Variants in WDPCP observed in about 807,000 individuals in gnomAD.
The protein encoded by WDPCP is WD repeat-containing and planar cell polarity effector protein fritz homolog.
In WDPCP, 71 loss-of-function variants were observed where a neutral mutation model predicts 93.1. The observed-to-expected ratio is 0.76, with a 90% CI of 0.63 to 0.93. The LOEUF is 0.93. Among genes scored for constraint, WDPCP ranks in the 40% least tolerant of loss-of-function variants. The probability of loss-of-function intolerance (pLI) is 0.00; values close to 1 mark genes in which losing one functional copy is unlikely to be tolerated. For missense variants in WDPCP, 844 were observed against 887.4 expected (o/e 0.95, Z 0.62); for synonymous variants, 315 against 315.0 (o/e 1.00, Z 0.00).
the WDPCP span, among the ~76,000 whole-genome samples, chr2:63,834,120 T>C: frequency 6.6e-6 from 1 of 152,200 alleles, no homozygotes. Context: ...TCTTTCATTA[T>C]CCTATTACTC....
intron 12 of WDPCP, among the ~76,000 whole-genome samples, chr2:63,332,689 T>G (rs1441502003): frequency 3.9e-5 from 6 of 152,204 alleles, no homozygotes; most frequent in Non-Finnish European, 8.8e-5. Context: ...GTTTGTGGCT[T>G]CCATTTTCAT....
chr2:63,445,478 C>T (rs189687119), intron 6 of WDPCP, among the ~76,000 whole-genome samples: 2 of 152,262 alleles, frequency 1.3e-5, no homozygotes, highest in African/African-American at 4.8e-5. Context: ...ATATTTCAAT[C>T]CCTAATGTAA....
chr2:63,283,192 A>G (rs1360679013), intron 13 of WDPCP, among the ~76,000 whole-genome samples: 1 of 152,192 alleles, frequency 6.6e-6, no homozygotes, highest in African/African-American at 2.4e-5. Flanking sequence ...TGCATTTACA[A>G]AGAAAAGAAC....
At chr2:63,308,512 G>A (rs1685925539) in intron 13 of WDPCP, among the ~76,000 whole-genome samples, 2 of 152,226 alleles carry the variant, frequency 1.3e-5, no homozygotes, top group Non-Finnish European at 2.9e-5. Flanking sequence ...ATCAGTGATA[G>A]ACTGGATAAA....
intron 12 of WDPCP, among the ~76,000 whole-genome samples, chr2:63,331,637 C>A (rs1366055719): frequency 2.0e-5 from 3 of 152,128 alleles, no homozygotes; most frequent in African/African-American, 7.2e-5. Context: ...TAGATCATCT[C>A]AAAAAAGTTT....
chr2:63,459,374 TA>T (rs1054856387), intron 6 of WDPCP, among the ~76,000 whole-genome samples: 5 of 147,906 alleles, frequency 3.4e-5, no homozygotes, highest in Admixed American at 6.8e-5. Flanking sequence ...TCTCAACAGT[TA>T]AAAAAAAAAC....
At chr2:63,278,632 C>T (rs1683265011) in intron 13 of WDPCP, among the ~76,000 whole-genome samples, 1 of 152,042 alleles carries the variant, frequency 6.6e-6, no homozygotes, top group South Asian at 2.1e-4. Flanking sequence ...TTGAGACCAT[C>T]CTGGCAAACA....
chr2:63,741,005 TG>T (rs1158832561), intron 2 of WDPCP, among the ~76,000 whole-genome samples: 1 of 152,182 alleles, frequency 6.6e-6, no homozygotes, highest in Non-Finnish European at 1.5e-5. Context: ...TAACCAATTT[TG>T]GTATTAATCA....
intron 2 of WDPCP, among the ~76,000 whole-genome samples, chr2:63,697,664 T>G (rs2103692395): frequency 6.6e-6 from 1 of 152,330 alleles, no homozygotes; most frequent in South Asian, 2.1e-4. Flanking sequence ...ATTTCTTCTT[T>G]TGAAACAGAG....
chr2:63,177,164 T>C (rs879705472), intron 14 of WDPCP, among the ~76,000 whole-genome samples: 99 of 152,226 alleles, frequency 6.5e-4, no homozygotes, highest in Non-Finnish European at 4.0e-4. Context: ...ACTGTAGCCT[T>C]GTAATATGTT....
intron 6 of WDPCP, among the ~76,000 whole-genome samples, chr2:63,447,587 T>TA (rs1321454399): frequency 6.6e-6 from 1 of 152,140 alleles, no homozygotes; most frequent in Non-Finnish European, 1.5e-5. Flanking sequence ...TTTAACTTAT[T>TA]AAAAAATTTT....
Position 63,588,433 on chromosome 2 carries a change from C to G in WDPCP, c.-162G>C. On this transcript the variant is annotated 5_prime_UTR_variant, in exon 1 of 18. Coordinates refer to ENST00000272321, the MANE Select transcript of WDPCP (RefSeq NM_015910.7). Reference sequence around the variant, plus strand: ...CCAGGGTGTGCGTGCGCTCCCGCCTCGTCGCTTAGCAACCTGAGAAGCTGT... The same window carrying G: ...CCAGGGTGTGCGTGCGCTCCCGCCTGGTCGCTTAGCAACCTGAGAAGCTGT... 1.3e-6 allele frequency: 1 copy of G among 780,258 alleles called. No individual in the cohort carries two copies. Among genetic ancestry groups the G allele is most frequent in the South Asian group, 1.5e-5 (1 of 67,846 alleles). The allele number at this position is 780,258 out of a possible 1,614,324, so 48.3% of individuals were successfully genotyped here. A position where few individuals can be genotyped will look rare whatever the true frequency, so the allele number is the denominator to read the frequency against.
Position 63,657,142 on chromosome 2 carries a change from A to G in WDPCP, n.309-6304T>C, listed in dbSNP as rs151200708. On this transcript the variant is annotated intron_variant and non_coding_transcript_variant, in intron 2 of 4. Transcript: ENST00000467687. ...AAGCCATGGTAAGGGCTACTTTATT[A>G]TAATTATGGCTGTGAATTATTGGGG... Among the ~76,000 whole-genome samples the G allele has an allele frequency of 1.8e-3, 270 of 151,364 alleles. 5 individuals carry two copies. In the East Asian group the frequency reaches 0.048, roughly 27 times the overall value.
In WDPCP at chr2:63,492,040, C is replaced by T. The variant is rs562934802; in HGVS notation, c.160+816G>A. On this transcript the variant is annotated intron_variant, in intron 2 of 17. Coordinates refer to ENST00000272321, the MANE Select transcript of WDPCP (RefSeq NM_015910.7). ...CAAACAAATGTTAAATCTACTTTAA[C>T]TGAAATTTCAATCTTTATACATTTT... 4.0e-5 allele frequency among the ~76,000 whole-genome samples: 6 copies of T among 149,090 alleles called. No homozygotes were observed. In the South Asian group the frequency reaches 1.3e-3, roughly 32 times the overall value.
At chr2:63,441,568 A>G (rs1697507275) in intron 6 of WDPCP, 1 of 152,078 alleles carries the variant, frequency 6.6e-6, no homozygotes, top group Non-Finnish European at 1.5e-5. Context: ...GGAATACAGT[A>G]GGTGCTCAAC....
chr2:63,448,437 AACACAC>A (rs35247066), intron 6 of WDPCP, among the ~76,000 whole-genome samples: 95 of 148,250 alleles, frequency 6.4e-4, no homozygotes, highest in Middle Eastern at 7.0e-3. Flanking sequence ...AAAATACATC[AACACAC>A]ACACACACAC....
At chr2:63,718,908 A>C (rs759642248) in intron 2 of WDPCP, among the ~76,000 whole-genome samples, 11 of 152,240 alleles carry the variant, frequency 7.2e-5, no homozygotes, top group Non-Finnish European at 1.5e-4. Context: ...AAAACAATTA[A>C]TATATAAAAG....
intron 12 of WDPCP, among the ~76,000 whole-genome samples, chr2:63,350,627 C>A (rs1206254368): frequency 6.6e-6 from 1 of 152,074 alleles, no homozygotes; most frequent in African/African-American, 2.4e-5. Flanking sequence ...GAGGTCTAAG[C>A]CCTTTCTTTG....
chr2:63,178,281 A>T (rs527589012), intron 14 of WDPCP, among the ~76,000 whole-genome samples: 1 of 152,132 alleles, frequency 6.6e-6, no homozygotes, highest in African/African-American at 2.4e-5. Flanking sequence ...TTTGAGGAGA[A>T]TGGGTGCTAA....
Sources: allele counts gnomAD v4.1 joint callset (sites outside exome capture counted in the v4.1 genomes callset), GRCh38; gene constraint gnomAD v4.1.1; transcripts MANE v1.5; gene names NCBI Gene and HGNC (gene_info 2026-07-23, HGNC 2026-07-21).